The following TTC3 variants were observed in gnomAD, a reference collection of about 807,000 sequenced individuals.
The protein encoded by TTC3 is tetratricopeptide repeat domain 3.
Under a neutral mutation model 249.6 loss-of-function variants are expected in TTC3, and 180 were observed. The ratio of observed to expected loss-of-function variants is 0.72; its 90% CI spans 0.64 to 0.82. The LOEUF is 0.82. Ranked by LOEUF, TTC3 falls within the 40% of genes least tolerant of loss-of-function variation. TTC3 has a pLI of 0.00. For missense variants in TTC3, 2,061 were observed against 2,398.4 expected (o/e 0.86, Z 2.94); for synonymous variants, 717 against 805.0 (o/e 0.89, Z 1.85).
intron 11 of TTC3, among the ~76,000 whole-genome samples, chr21:37,119,083 A>G (rs1272215435): frequency 6.6e-6 from 1 of 152,164 alleles, no homozygotes. Flanking sequence ...GTAATTGTAG[A>G]TGGATGCCAG....
exon 46 of TTC3, chr21:37,201,786 C>G: frequency 3.0e-6 from 2 of 661,638 alleles, no homozygotes; most frequent in Non-Finnish European, 4.9e-6. Context: ...AATAAAATGA[C>G]GGCTACCACA....
chr21:37,157,805 G>A (rs1275182625), intron 28 of TTC3, among the ~76,000 whole-genome samples: 2 of 152,026 alleles, frequency 1.3e-5, no homozygotes, highest in Non-Finnish European at 2.9e-5. Flanking sequence ...TGATTTGGAG[G>A]CAGTGACATG....
chr21:37,189,377 C>G (rs1224406690), intron 39 of TTC3, among the ~76,000 whole-genome samples: 2 of 151,974 alleles, frequency 1.3e-5, no homozygotes, highest in African/African-American at 4.8e-5. Flanking sequence ...TCCCGAGTAG[C>G]TGGGATTACA....
At chr21:37,147,974 C>G (rs2079130371) in intron 22 of TTC3, among the ~76,000 whole-genome samples, 1 of 152,184 alleles carries the variant, frequency 6.6e-6, no homozygotes, top group Admixed American at 6.5e-5. Context: ...TGATCCACCC[C>G]CTCAGCCTCC....
At chr21:37,139,086 A>C (rs2078203904) in intron 19 of TTC3, among the ~76,000 whole-genome samples, 1 of 152,158 alleles carries the variant, frequency 6.6e-6, no homozygotes, top group African/African-American at 2.4e-5. Flanking sequence ...AATTCTGTGC[A>C]TCTTGTAAAA....
chr21:37,187,160 C>T lies in TTC3; in HGVS notation c.4923+15C>T, dbSNP rs748000310. The T allele has an allele frequency of 6.5e-7, 1 of 1,534,326 alleles. No homozygotes were observed. Among genetic ancestry groups the T allele is most frequent in the Non-Finnish European group, 8.8e-7 (1 of 1,133,964 alleles). On this transcript the variant is annotated intron_variant, in intron 38 of 45. Transcript: ENST00000355666. The stretch of plus-strand genomic sequence containing the variant: ...TGGCTGCAGAGGTGAGTCCATGACA[C>T]TTAGTGACCACTATGGCATTTGTCA...
At chr21:37,100,780 G>A (rs141679955) in intron 10 of TTC3, 1 of 152,342 alleles carries the variant, frequency 6.6e-6, no homozygotes, top group East Asian at 1.9e-4. Flanking sequence ...AGGACACCTG[G>A]CTTAGAAGAT....
In TTC3 at chr21:37,185,234, T is replaced by C. The variant is rs1440348365; in HGVS notation, c.4758-472T>C. Among the ~76,000 whole-genome samples the C allele has an allele frequency of 3.9e-5, 6 of 152,248 alleles. No homozygotes were observed. In the East Asian group the frequency reaches 1.2e-3, roughly 29 times the overall value. On this transcript the variant is annotated intron_variant, in intron 36 of 45. Coordinates refer to ENST00000355666, the Ensembl canonical transcript of TTC3. The stretch of plus-strand genomic sequence containing the variant: ...GAATCGGAGATTCACACACTTGTTT[T>C]GAAGGATTATCAGAGAATGTGAGTG...
intron 11 of TTC3, among the ~76,000 whole-genome samples, chr21:37,118,942 C>T (rs569216955): frequency 6.6e-6 from 1 of 152,250 alleles, no homozygotes; most frequent in South Asian, 2.1e-4. Flanking sequence ...TTCCATCTTT[C>T]CTTTCACCTC....
intron 42 of TTC3, among the ~76,000 whole-genome samples, 187 bp from the exon 43 acceptor site, chr21:37,197,383 G>C (rs1229635740): frequency 1.3e-5 from 2 of 148,206 alleles, no homozygotes; most frequent in Non-Finnish European, 3.0e-5. Context: ...GTGAGACACT[G>C]TCTCAAAAAA....
exon 7 of TTC3, chr21:37,091,323 T>A (rs758264412): frequency 4.4e-5 from 71 of 1,611,668 alleles, no homozygotes; most frequent in Non-Finnish European, 5.5e-5. Flanking sequence ...AGCTCTGAAT[T>A]GGATAAAATA....
At chr21:37,145,396 C>A (rs767422715) in intron 21 of TTC3, among the ~76,000 whole-genome samples, 7 of 152,200 alleles carry the variant, frequency 4.6e-5, no homozygotes, top group Non-Finnish European at 7.3e-5. Context: ...AGACATTCAG[C>A]ATCATTAGCT....
At chr21:37,160,674 T>G (rs1349810350) in intron 29 of TTC3, 128 bp from the exon 30 acceptor site, 1 of 949,650 alleles carries the variant, frequency 1.1e-6, no homozygotes, top group African/African-American at 1.7e-5. Context: ...ACTGTAGTGT[T>G]ATTTTTGTTA....
At position 37,129,018 on chromosome 21, in the gene TTC3, A is replaced by G. The variant is rs758549063; in HGVS notation, c.1313A>G (p.His438Arg). ...GTGTTCACAGGTCAGCCTCCAAAAC[A>G]TAAAGGAAAACAAAAATCTCGAAAC... Residue 438 changes from histidine to arginine, a missense_variant, in exon 16 of 46, where the codon CAT becomes CGT. Transcript: ENST00000355666. 2.5e-6 allele frequency: 4 copies of G among 1,596,182 alleles called. No homozygotes were observed. Among genetic ancestry groups the G allele is most frequent in the Non-Finnish European group, 2.6e-6 (3 of 1,172,792 alleles).
chr21:37,104,430 A>G (rs892973475), intron 10 of TTC3, among the ~76,000 whole-genome samples: 1 of 152,100 alleles, frequency 6.6e-6, no homozygotes, highest in Non-Finnish European at 1.5e-5. Context: ...TCTCTACTAC[A>G]ACTACAAAAA....
intron 41 of TTC3, among the ~76,000 whole-genome samples, chr21:37,193,216 C>T (rs2154539): frequency 0.17 from 18,339 of 108,162 alleles, 1,385 homozygotes; most frequent in Middle Eastern, 0.25. Context: ...TGCATCCTGC[C>T]TTCCCCTGAA....
exon 42 of TTC3, chr21:37,196,010 G>C (rs1461028093): frequency 2.7e-5 from 44 of 1,614,044 alleles, no homozygotes; most frequent in Non-Finnish European, 3.5e-5. Flanking sequence ...TTGAGCACCT[G>C]TCAGTGGTAT....
intron 41 of TTC3, 39 bp downstream of exon 41, chr21:37,192,252 A>C: frequency 7.3e-7 from 1 of 1,368,626 alleles, no homozygotes; most frequent in Non-Finnish European, 1.0e-6. Flanking sequence ...TTAAACCATA[A>C]TTCATTTGTT....
intron 12 of TTC3, among the ~76,000 whole-genome samples, chr21:37,122,515 T>C (rs1392496763): frequency 6.7e-6 from 1 of 150,272 alleles, no homozygotes; most frequent in African/African-American, 2.5e-5. Context: ...ATTTTCATTC[T>C]CTCCTTGTTT....
Sources: allele counts gnomAD v4.1 joint callset (sites outside exome capture counted in the v4.1 genomes callset), GRCh38; gene constraint gnomAD v4.1.1; transcripts MANE v1.5; gene names NCBI Gene and HGNC (gene_info 2026-07-23, HGNC 2026-07-21).